Variants in ADH5 observed in about 807,000 individuals in gnomAD.
ADH5 encodes the protein alcohol dehydrogenase class-3.
A neutral mutation model predicts 40.3 loss-of-function variants in ADH5; 32 were observed. The observed-to-expected ratio is 0.79, with a 90% CI of 0.60 to 1.07. The LOEUF is 1.07. Ranked by LOEUF, ADH5 falls within the 50% of genes least tolerant of loss-of-function variation. The pLI, the probability that ADH5 is intolerant of heterozygous loss-of-function variation, is 0.00. For synonymous variants in ADH5, 125 were observed against 154.3 expected (o/e 0.81, Z 1.41); for missense variants, 353 against 460.5 (o/e 0.77, Z 2.14).
intron 6 of ADH5, 78 bp downstream of exon 6, chr4:99,076,214 C>T: frequency 6.6e-7 from 1 of 1,515,470 alleles, no homozygotes; most frequent in Non-Finnish European, 8.9e-7. Flanking sequence ...TTTGCCAAAA[C>T]AAAACAATTT....
At chr4:99,083,613 A>T (rs1056427957) in intron 2 of ADH5, among the ~76,000 whole-genome samples, 3 of 106,094 alleles carry the variant, frequency 2.8e-5, no homozygotes, top group African/African-American at 1.6e-4. Context: ...AAAAAAAAAA[A>T]AAAAAAAAAA....
At chr4:99,087,399 G>A (rs916404865) in intron 1 of ADH5, among the ~76,000 whole-genome samples, 14 of 137,246 alleles carry the variant, frequency 1.0e-4, no homozygotes, top group Non-Finnish European at 1.9e-4. Context: ...GCGGGGGAGG[G>A]GGGGGGGAGG....
chr4:99,076,610 G>A, intron 5 of ADH5, 58 bp from the exon 6 acceptor site: 2 of 1,591,422 alleles, frequency 1.3e-6, no homozygotes, highest in Middle Eastern at 3.4e-4. Context: ...AGAATCACTG[G>A]GTTTCATACA....
chr4:99,082,240 T>C (rs1728040012), intron 2 of ADH5, 124 bp from the exon 3 acceptor site: 6 of 1,037,454 alleles, frequency 5.8e-6, no homozygotes, highest in South Asian at 2.6e-5. Context: ...ATTTCTTTCA[T>C]ATTTTAACCT....
chr4:99,073,622 T>C (rs1727871489), intron 7 of ADH5, among the ~76,000 whole-genome samples: 1 of 152,218 alleles, frequency 6.6e-6, no homozygotes, highest in South Asian at 2.1e-4. Flanking sequence ...CCAAATCTCC[T>C]CTCTTATATT....
chr4:99,075,107 C>T (rs531695390), intron 6 of ADH5, 58 bp from the exon 7 acceptor site: 3 of 1,410,948 alleles, frequency 2.1e-6, no homozygotes, highest in Non-Finnish European at 2.8e-6. Context: ...CTGAGAACAA[C>T]TGCTGGCGAA....
chr4:99,078,207 A>C lies in ADH5; in HGVS notation c.345-1284T>G, dbSNP rs1248206602. The stretch of plus-strand genomic sequence containing the variant: ...ACCAAGTAGCTGGTACTACAGGGGC[A>C]TAGAGACGGGGTCTCACTATGTTGC... On this transcript the variant is annotated intron_variant, in intron 4 of 8. Coordinates refer to ENST00000296412, the MANE Select transcript of ADH5 (RefSeq NM_000671.4). Among the ~76,000 whole-genome samples, 3 of 152,288 alleles carry C rather than the reference A, an allele frequency of 2.0e-5. No homozygotes were observed. The South Asian group carries it at 6.2e-4, about 32-fold the overall frequency.
chr4:99,076,289 C>A lies in ADH5; in HGVS notation c.825+3G>T. The A allele has an allele frequency of 6.2e-7, 1 of 1,613,940 alleles. No homozygotes were observed. Among genetic ancestry groups the A allele is most frequent in the Non-Finnish European group, 8.5e-7 (1 of 1,179,826 alleles). On this transcript the variant is annotated splice_donor_region_variant and intron_variant, in intron 6 of 8. Coordinates refer to ENST00000296412, the MANE Select transcript of ADH5 (RefSeq NM_000671.4). ...ACTAAAAAGGAATGAAGCCCATACT[C>A]ACCATGACCTTCACATTACCAATAC...
intron 4 of ADH5, chr4:99,079,881 T>C: frequency 2.5e-6 from 1 of 405,678 alleles, no homozygotes. Flanking sequence ...CCTTACTACA[T>C]GGTTTGGCAA....
chr4:99,085,479 A>C, intron 1 of ADH5: 1 of 346,398 alleles, frequency 2.9e-6, no homozygotes, highest in Non-Finnish European at 5.3e-6. Flanking sequence ...ATGGCCTTCT[A>C]CAGTGCATAT....
intron 4 of ADH5, chr4:99,079,943 A>G: frequency 2.2e-6 from 1 of 449,620 alleles, no homozygotes; most frequent in South Asian, 1.6e-5. Context: ...TCTGTTTTAT[A>G]TCTTAACGGC....
In ADH5 at chr4:99,087,671, C is replaced by T. The variant is rs557052249; in HGVS notation, c.12+1018G>A. On this transcript the variant is annotated intron_variant, in intron 1 of 8. Coordinates refer to ENST00000296412, the MANE Select transcript of ADH5 (RefSeq NM_000671.4). Reference sequence around the variant, plus strand: ...TAAAAAATGTCTTAATGGAGCCTAACCTTTTCCTTTTACTGACAATTCTAA... The same window carrying T: ...TAAAAAATGTCTTAATGGAGCCTAATCTTTTCCTTTTACTGACAATTCTAA... Among the ~76,000 whole-genome samples the T allele has an allele frequency of 5.9e-5, 9 of 152,268 alleles. No homozygotes were observed. The East Asian group carries it at 1.5e-3, about 26-fold the overall frequency.
intron 2 of ADH5, 88 bp downstream of exon 2, chr4:99,085,026 AT>A: frequency 1.7e-6 from 1 of 588,242 alleles, no homozygotes; most frequent in Non-Finnish European, 2.6e-6. Flanking sequence ...GTCCTTTGGG[AT>A]TTATCCTCTG....
chr4:99,088,706 C>T lies in ADH5; in HGVS notation c.-6G>A. 1.9e-6 allele frequency: 3 copies of T among 1,569,846 alleles called. No homozygotes were observed. Among genetic ancestry groups the T allele is most frequent in the Middle Eastern group, 1.7e-4 (1 of 5,818 alleles). ...GGCCCTACCTCGTTCGCCATGTTCA[C>T]GGATTCTGGTCGGCGCGGGGGGCTG... On this transcript the variant is annotated 5_prime_UTR_variant, in exon 1 of 9. In the 5' UTR this introduces an upstream ATG that the reference lacks. Transcript: ENST00000296412.
At chr4:99,080,659 A>G (rs1728011820) in intron 4 of ADH5, 1 of 152,394 alleles carries the variant, frequency 6.6e-6, no homozygotes, top group African/African-American at 2.4e-5. Flanking sequence ...AATGGTAGAG[A>G]AGGCTGTTGC....
Position 99,085,104 on chromosome 4 carries a change from T to C in ADH5, c.114+11A>G. ...TCTCTTTTTTTCCCAGTGCCTTAAA[T>C]GTATCATTACCTTGATTCGAACTTC... On this transcript the variant is annotated intron_variant, in intron 2 of 8. Transcript: ENST00000296412. 1 of 1,440,170 alleles carries C rather than the reference T, an allele frequency of 6.9e-7. No individual in the cohort carries two copies. Among genetic ancestry groups the C allele is most frequent in the Non-Finnish European group, 9.3e-7 (1 of 1,078,400 alleles). 89.2% of individuals were successfully genotyped at this position (1,440,170 alleles called of 1,614,324 possible). A position where few individuals can be genotyped will look rare whatever the true frequency, so the allele number is the denominator to read the frequency against.
chr4:99,086,654 G>A (rs1302478016), intron 1 of ADH5, among the ~76,000 whole-genome samples: 1 of 152,022 alleles, frequency 6.6e-6, no homozygotes, highest in Admixed American at 6.6e-5. Context: ...GAAAGAATAT[G>A]AAGTCCCTGG....
chr4:99,082,300 T>C (rs527773265), intron 2 of ADH5, among the ~76,000 whole-genome samples, 184 bp from the exon 3 acceptor site: 14 of 152,346 alleles, frequency 9.2e-5, no homozygotes, highest in African/African-American at 3.4e-4. Flanking sequence ...ACAATTAGAA[T>C]TGGCAGCAAT....
At chr4:99,083,854 T>C (rs1318280681) in intron 2 of ADH5, among the ~76,000 whole-genome samples, 1 of 152,128 alleles carries the variant, frequency 6.6e-6, no homozygotes, top group African/African-American at 2.4e-5. Flanking sequence ...GCTAAACACA[T>C]GAAGTTTTCT....
Sources: allele counts gnomAD v4.1 joint callset (sites outside exome capture counted in the v4.1 genomes callset), GRCh38; gene constraint gnomAD v4.1.1; transcripts MANE v1.5; gene names NCBI Gene and HGNC (gene_info 2026-07-23, HGNC 2026-07-21).